The following MPPED2 variants were observed in gnomAD, a reference collection of about 807,000 sequenced individuals.
MPPED2 encodes the protein metallophosphoesterase domain containing 2.
Under a neutral mutation model 33.0 loss-of-function variants are expected in MPPED2, and 5 were observed. The observed-to-expected ratio is 0.15, with a 90% confidence interval of 0.08 to 0.32. The LOEUF is 0.32. Among genes scored for constraint, MPPED2 ranks in the 10% least tolerant of loss-of-function variants. MPPED2 has a pLI of 1.00. For synonymous variants in MPPED2, 136 were observed against 141.9 expected, an observed-to-expected ratio of 0.96 and a Z score of 0.29; for missense variants, 275 against 372.1, an observed-to-expected ratio of 0.74 and a Z score of 2.15.
chr11:30,543,368 G>A (rs1327527560), intron 2 of MPPED2, among the ~76,000 whole-genome samples: 1 of 152,170 alleles, frequency 6.6e-6, no homozygotes, highest in Non-Finnish European at 1.5e-5. Context: ...TCAGCTGTGT[G>A]ACCCTGGGCA....
At chr11:30,485,090 C>T (rs1235214175) in intron 4 of MPPED2, among the ~76,000 whole-genome samples, 1 of 152,118 alleles carries the variant, frequency 6.6e-6, no homozygotes, top group African/African-American at 2.4e-5. Context: ...ACTTAACATA[C>T]ATGATCTTAT....
chr11:30,580,457 G>A lies in MPPED2; in HGVS notation c.-84C>T. The A allele has an allele frequency of 6.4e-7, 1 of 1,556,850 alleles. No homozygotes were observed. The highest frequency in any genetic ancestry group is 8.7e-7 in the Non-Finnish European group (1 of 1,148,868). The stretch of plus-strand genomic sequence containing the variant: ...GCATGGTGCGTTTCAGCCAACCTCT[G>A]AATCCAAGGATCTACTCATCAATAC... On this transcript the variant is annotated 5_prime_UTR_variant, in exon 2 of 7. Coordinates refer to ENST00000358117, the MANE Select transcript of MPPED2 (RefSeq NM_001584.3).
At chr11:30,566,320 G>C (rs1422530995) in intron 2 of MPPED2, among the ~76,000 whole-genome samples, 2 of 152,056 alleles carry the variant, frequency 1.3e-5, no homozygotes, top group African/African-American at 4.8e-5. Flanking sequence ...GAACAATATA[G>C]AAAACCCAAA....
intron 2 of MPPED2, among the ~76,000 whole-genome samples, chr11:30,568,401 G>A (rs1956541905): frequency 6.6e-6 from 1 of 151,762 alleles, no homozygotes; most frequent in South Asian, 2.1e-4. Flanking sequence ...ATGTTCTTTT[G>A]TTTACCGTTT....
intron 2 of MPPED2, among the ~76,000 whole-genome samples, chr11:30,575,390 A>C (rs1375956234): frequency 6.6e-6 from 1 of 152,196 alleles, no homozygotes; most frequent in Non-Finnish European, 1.5e-5. Context: ...ATATCATTTC[A>C]TTTAATGCTC....
chr11:30,508,137 A>G (rs1007583275), intron 3 of MPPED2, among the ~76,000 whole-genome samples: 2 of 152,234 alleles, frequency 1.3e-5, no homozygotes, highest in Admixed American at 6.5e-5. Context: ...AATAATTTGA[A>G]TTAAGTATTT....
At chr11:30,571,980 GAGAT>G (rs953905661) in intron 2 of MPPED2, among the ~76,000 whole-genome samples, 1 of 152,132 alleles carries the variant, frequency 6.6e-6, no homozygotes, top group African/African-American at 2.4e-5. Flanking sequence ...TTTAGAGCAG[GAGAT>G]AGATAGATTC....
At chr11:30,446,266 T>C (rs1285055823) in intron 4 of MPPED2, among the ~76,000 whole-genome samples, 1 of 152,200 alleles carries the variant, frequency 6.6e-6, no homozygotes, top group Non-Finnish European at 1.5e-5. Context: ...ATTGAGAATT[T>C]CTCCTGAAAA....
intron 4 of MPPED2, among the ~76,000 whole-genome samples, chr11:30,489,891 C>T (rs1590530026): frequency 6.8e-6 from 1 of 147,854 alleles, no homozygotes; most frequent in African/African-American, 2.5e-5. Context: ...AGCTTGGCTG[C>T]TGATCAATTA....
intron 1 of MPPED2, among the ~76,000 whole-genome samples, chr11:30,583,789 A>G (rs1957307076): frequency 6.6e-6 from 1 of 152,204 alleles, no homozygotes. Context: ...AGCACAGCCT[A>G]TGAGAAAAGA....
At chr11:30,445,696 A>G (rs1949773919) in intron 4 of MPPED2, among the ~76,000 whole-genome samples, 1 of 152,232 alleles carries the variant, frequency 6.6e-6, no homozygotes, top group African/African-American at 2.4e-5. Context: ...TACAAGTGGA[A>G]TAATACAATA....
At chr11:30,526,538 CAG>C (rs1406946395) in intron 3 of MPPED2, among the ~76,000 whole-genome samples, 1 of 152,106 alleles carries the variant, frequency 6.6e-6, no homozygotes, top group Non-Finnish European at 1.5e-5. Context: ...CAGTAAGAAT[CAG>C]AGATCTTGAC....
chr11:30,578,177 G>A (rs1374579929), intron 2 of MPPED2, among the ~76,000 whole-genome samples: 1 of 152,160 alleles, frequency 6.6e-6, no homozygotes, highest in Non-Finnish European at 1.5e-5. Flanking sequence ...GGCATTTGAT[G>A]AGCAGAGCGT....
chr11:30,426,930 C>G (rs1948864991), intron 4 of MPPED2, among the ~76,000 whole-genome samples: 1 of 152,112 alleles, frequency 6.6e-6, no homozygotes, highest in Non-Finnish European at 1.5e-5. Flanking sequence ...CCACAACACA[C>G]AAAAACCCAC....
At chr11:30,477,346 A>T (rs1043941454) in intron 4 of MPPED2, among the ~76,000 whole-genome samples, 1 of 152,108 alleles carries the variant, frequency 6.6e-6, no homozygotes, top group Non-Finnish European at 1.5e-5. Context: ...ATCAGTTGTG[A>T]TGTTAAGTGT....
chr11:30,455,926 CTG>C (rs1442652511), intron 4 of MPPED2, among the ~76,000 whole-genome samples: 1 of 152,248 alleles, frequency 6.6e-6, no homozygotes, highest in Non-Finnish European at 1.5e-5. Flanking sequence ...CTCCATGACT[CTG>C]TTTCTCCACT....
intron 4 of MPPED2, among the ~76,000 whole-genome samples, chr11:30,478,670 C>G (rs150858899): frequency 6.6e-6 from 1 of 152,162 alleles, no homozygotes; most frequent in African/African-American, 2.4e-5. Flanking sequence ...TGAAAAGGCT[C>G]TAAACCAACA....
At chr11:30,386,554 T>A (rs2133689676) in exon 7 of MPPED2, 1 of 395,568 alleles carries the variant, frequency 2.5e-6, no homozygotes, top group Middle Eastern at 6.4e-4. Flanking sequence ...AAATACCCAG[T>A]CTCAGGGATT....
At chr11:30,559,131 A>G (rs976126009) in intron 2 of MPPED2, among the ~76,000 whole-genome samples, 1 of 152,192 alleles carries the variant, frequency 6.6e-6, no homozygotes, top group Non-Finnish European at 1.5e-5. Context: ...GAAATCTTAA[A>G]TGACTACTAA....
Sources: gnomAD v4.1 joint callset for allele counts (sites outside exome capture counted in the v4.1 genomes callset) on GRCh38, gnomAD v4.1.1 for gene constraint, MANE v1.5 for transcripts, NCBI Gene and HGNC (gene_info 2026-07-23, HGNC 2026-07-21) for gene names.